RTP2: variants seen among roughly 807,000 people sequenced by gnomAD.
RTP2 encodes the protein receptor-transporting protein 2.
A neutral mutation model predicts 17.9 loss-of-function variants in RTP2; 12 were observed. The observed-to-expected ratio is 0.67, with a 90% CI of 0.43 to 1.09. The LOEUF (loss-of-function observed/expected upper bound fraction) is 1.09. Among genes scored for constraint, RTP2 ranks in the 50% least tolerant of loss-of-function variants. The pLI is 0.00. For missense variants in RTP2, 327 were observed against 295.7 expected (o/e 1.11, Z -0.78); for synonymous variants, 126 against 117.7 (o/e 1.07, Z -0.46).
chr3:187,712,126 C>T, the RTP2 span, among the ~76,000 whole-genome samples: 1 of 152,098 alleles, frequency 6.6e-6, no homozygotes, highest in African/African-American at 2.4e-5. Flanking sequence ...CACACACATA[C>T]GCACATACAC....
chr3:187,705,243 G>A (rs1717962514), upstream of RTP2, among the ~76,000 whole-genome samples: 1 of 152,182 alleles, frequency 6.6e-6, no homozygotes, highest in South Asian at 2.1e-4. Context: ...AGCAGGTACA[G>A]CCTATGCTGC....
exon 1 of RTP2, chr3:187,702,472 G>A (rs1717878641): frequency 4.2e-6 from 2 of 480,860 alleles, no homozygotes; most frequent in Admixed American, 2.3e-5. Flanking sequence ...TCTCCAGGAG[G>A]CAAGGACTAT....
chr3:187,708,719 C>G, the RTP2 span, among the ~76,000 whole-genome samples: 1 of 152,202 alleles, frequency 6.6e-6, no homozygotes, highest in Non-Finnish European at 1.5e-5. Context: ...TCACTATGCA[C>G]TATGAGTTTT....
the RTP2 span, among the ~76,000 whole-genome samples, chr3:187,708,772 G>A: frequency 1.3e-5 from 2 of 152,108 alleles, no homozygotes; most frequent in Non-Finnish European, 2.9e-5. Flanking sequence ...GCACACACAA[G>A]AACCCTATGA....
At chr3:187,711,816 A>G in the RTP2 span, among the ~76,000 whole-genome samples, 1 of 152,270 alleles carries the variant, frequency 6.6e-6, no homozygotes, top group East Asian at 1.9e-4. Context: ...GGATCAAATA[A>G]GCTTATACTT....
the RTP2 span, among the ~76,000 whole-genome samples, chr3:187,708,969 C>CTT: frequency 0.011 from 1,606 of 142,284 alleles, 54 homozygotes; most frequent in East Asian, 0.057. Flanking sequence ...TTTTTTTTTC[C>CTT]TTTTTTTTTT....
At chr3:187,701,413 C>A (rs1717843080) in intron 1 of RTP2, among the ~76,000 whole-genome samples, 1 of 152,166 alleles carries the variant, frequency 6.6e-6, no homozygotes, top group Admixed American at 6.5e-5. Context: ...AAGACCAACC[C>A]CCTCATTTTG....
chr3:187,702,663 A>G, upstream of RTP2: 1 of 444,476 alleles, frequency 2.2e-6, no homozygotes, highest in Non-Finnish European at 4.5e-6. Context: ...AAACCGCTTG[A>G]CCTGTGTGCT....
At chr3:187,715,543 A>G in the RTP2 span, 12 of 400,884 alleles carry the variant, frequency 3.0e-5, no homozygotes, top group Non-Finnish European at 5.5e-5. Flanking sequence ...ATACTGGCAT[A>G]GGCCTTGGGG....
chr3:187,713,659 G>C, the RTP2 span, among the ~76,000 whole-genome samples: 1 of 152,030 alleles, frequency 6.6e-6, no homozygotes, highest in African/African-American at 2.4e-5. Flanking sequence ...AGGCTAACAT[G>C]AAGTTACAAA....
At chr3:187,710,263 CTG>C in the RTP2 span, among the ~76,000 whole-genome samples, 19 of 152,126 alleles carry the variant, frequency 1.2e-4, no homozygotes, top group African/African-American at 4.6e-4. Context: ...GGCCTTCAAA[CTG>C]TACCACTGGC....
chr3:187,701,873 G>GCCTGTC (rs113681515), intron 1 of RTP2, 92 bp downstream of exon 1: 4 of 1,183,548 alleles, frequency 3.4e-6, no homozygotes, highest in Non-Finnish European at 3.5e-6. Context: ...ACCAGAATAA[G>GCCTGTC]CCCGCGACTG....
At chr3:187,708,196 C>G in the RTP2 span, among the ~76,000 whole-genome samples, 48 of 152,296 alleles carry the variant, frequency 3.2e-4, no homozygotes, top group African/African-American at 1.2e-3. Context: ...TGAACACAGA[C>G]ACCCACGGGC....
exon 2 of RTP2, chr3:187,698,710 C>T: frequency 1.9e-6 from 3 of 1,614,068 alleles, no homozygotes; most frequent in Non-Finnish European, 2.5e-6. Context: ...TGGCAGGCCT[C>T]ACAGAACTCT....
the RTP2 span, among the ~76,000 whole-genome samples, chr3:187,709,471 G>T: frequency 2.6e-5 from 4 of 152,198 alleles, no homozygotes; most frequent in African/African-American, 9.6e-5. Flanking sequence ...AGATCATGAA[G>T]TTAGGATTTC....
the RTP2 span, among the ~76,000 whole-genome samples, chr3:187,715,234 C>T: frequency 6.6e-6 from 1 of 152,146 alleles, no homozygotes; most frequent in African/African-American, 2.4e-5. Flanking sequence ...TCCAACCCTC[C>T]CTGCAAGCCA....
At chr3:187,710,907 G>A in the RTP2 span, among the ~76,000 whole-genome samples, 1 of 152,012 alleles carries the variant, frequency 6.6e-6, no homozygotes, top group Non-Finnish European at 1.5e-5. Context: ...AATAACCCTA[G>A]GTAAATCAGT....
At chr3:187,714,279 G>A in the RTP2 span, among the ~76,000 whole-genome samples, 1 of 152,192 alleles carries the variant, frequency 6.6e-6, no homozygotes, top group Non-Finnish European at 1.5e-5. Flanking sequence ...TTTTGCCCAA[G>A]AATTGAGATA....
At chr3:187,711,837 A>G in the RTP2 span, among the ~76,000 whole-genome samples, 5 of 152,250 alleles carry the variant, frequency 3.3e-5, no homozygotes, top group African/African-American at 1.2e-4. Flanking sequence ...GCACAGAACC[A>G]AAAACAGTTC....
Sources: gnomAD v4.1 joint callset for allele counts (sites outside exome capture counted in the v4.1 genomes callset) on GRCh38, gnomAD v4.1.1 for gene constraint, MANE v1.5 for transcripts, NCBI Gene and HGNC (gene_info 2026-07-23, HGNC 2026-07-21) for gene names.